Variants in ARHGEF10 observed in about 807,000 individuals in gnomAD.
The protein encoded by ARHGEF10 is Rho guanine nucleotide exchange factor 10.
Under a neutral mutation model 147.4 loss-of-function variants are expected in ARHGEF10, and 140 were observed. That is an observed-to-expected ratio of 0.95 (90% CI 0.83 to 1.09). ARHGEF10 has a LOEUF of 1.09. Among genes scored for constraint, ARHGEF10 ranks in the 50% least tolerant of loss-of-function variants. ARHGEF10 has a pLI of 0.00. For synonymous variants in ARHGEF10, 902 were observed against 695.8 expected, an observed-to-expected ratio of 1.30 and a Z score of -4.67; for missense variants, 2,222 against 1,752.7, an observed-to-expected ratio of 1.27 and a Z score of -4.78.
intron 18 of ARHGEF10, among the ~76,000 whole-genome samples, chr8:1,919,281 GGGT>G: frequency 6.7e-6 from 1 of 149,396 alleles, no homozygotes; most frequent in African/African-American, 2.5e-5. Flanking sequence ...GCTGTTCTGT[GGGT>G]GATGAGTTGT....
At chr8:1,860,297 T>G in intron 4 of ARHGEF10, 113 bp downstream of exon 4, 1 of 1,446,892 alleles carries the variant, frequency 6.9e-7, no homozygotes, top group Non-Finnish European at 9.4e-7. Context: ...TGGCCTGTGG[T>G]TCCGTAGAGT....
chr8:1,866,392 C>A (rs577110636), intron 5 of ARHGEF10, 134 bp from the exon 6 acceptor site: 2 of 789,440 alleles, frequency 2.5e-6, no homozygotes, highest in South Asian at 1.4e-5. Flanking sequence ...TATGTGATTT[C>A]CTGTATAGTA....
At chr8:1,843,139 C>T (rs1176178330) in intron 1 of ARHGEF10, among the ~76,000 whole-genome samples, 2 of 152,328 alleles carry the variant, frequency 1.3e-5, no homozygotes, top group African/African-American at 2.4e-5. Context: ...GAAGTCACTC[C>T]AACACTGAGA....
intron 14 of ARHGEF10, 25 bp downstream of exon 14, chr8:1,896,474 G>C (rs1259394793): frequency 6.8e-7 from 1 of 1,476,466 alleles, no homozygotes; most frequent in South Asian, 1.1e-5. Flanking sequence ...TTTTCATTTG[G>C]GTTTTAACAC....
chr8:1,926,460 G>C lies in ARHGEF10; in HGVS notation c.2694G>C (p.Leu898=). 1.9e-6 allele frequency: 3 copies of C among 1,613,796 alleles called. No homozygotes were observed. The highest frequency in any genetic ancestry group is 2.5e-6 in the Non-Finnish European group (3 of 1,179,682). The change falls in exon 23 of 29, where the codon CTG becomes CTC. Residue 898 remains leucine (L), a synonymous_variant. Transcript: ENST00000349830. ...PDSFSTAHGF[L]WIGSCTHQMG... ...CATTTTCCACGGCACATGGTTTCCT[G>C]TGGGTAAGATGTGTTTATTTGGTTT...
chr8:1,853,505 C>T (rs1805309265), intron 2 of ARHGEF10, among the ~76,000 whole-genome samples: 1 of 152,252 alleles, frequency 6.6e-6, no homozygotes, highest in Admixed American at 6.5e-5. Flanking sequence ...TGTAGTTTTT[C>T]TCATCAGTGT....
At chr8:1,831,898 C>G (rs1255657235) in intron 1 of ARHGEF10, among the ~76,000 whole-genome samples, 3 of 152,194 alleles carry the variant, frequency 2.0e-5, no homozygotes, top group Non-Finnish European at 4.4e-5. Context: ...TGGAGGGTGG[C>G]ACATGGCCGG....
chr8:1,843,568 G>A, intron 2 of ARHGEF10, 132 bp downstream of exon 2: 1 of 763,462 alleles, frequency 1.3e-6, no homozygotes. Flanking sequence ...TTGGGAGAAA[G>A]AGAAGGTTCT....
chr8:1,856,752 G>C (rs1585281810), intron 2 of ARHGEF10, among the ~76,000 whole-genome samples: 1 of 152,306 alleles, frequency 6.6e-6, no homozygotes, highest in East Asian at 1.9e-4. Flanking sequence ...GGCTTGGTTT[G>C]GGCTGACCCA....
At chr8:1,929,195 G>T (rs1054784791) in intron 24 of ARHGEF10, 91 bp from the exon 25 acceptor site, 1 of 1,388,912 alleles carries the variant, frequency 7.2e-7, no homozygotes, top group Non-Finnish European at 1.0e-6. Context: ...CAAGAGGGAA[G>T]AGTTGAAATG....
At chr8:1,903,746 A>G in intron 16 of ARHGEF10, 1 of 469,994 alleles carries the variant, frequency 2.1e-6, no homozygotes, top group East Asian at 4.1e-5. Flanking sequence ...CCTTTAGCTT[A>G]CTTTTCCTTT....
At chr8:1,904,453 T>C (rs1167046382) in intron 16 of ARHGEF10, 1 of 152,248 alleles carries the variant, frequency 6.6e-6, no homozygotes, top group Non-Finnish European at 1.5e-5. Flanking sequence ...GTGCGAACTT[T>C]ATGGTAATAC....
At chr8:1,844,932 G>T (rs1409363069) in intron 2 of ARHGEF10, among the ~76,000 whole-genome samples, 1 of 152,086 alleles carries the variant, frequency 6.6e-6, no homozygotes, top group Non-Finnish European at 1.5e-5. Flanking sequence ...ATAATAATTA[G>T]TTGTAATAGT....
intron 1 of ARHGEF10, among the ~76,000 whole-genome samples, chr8:1,841,587 GGGGGCAGGGAGTA>G (rs1204203016): frequency 6.6e-6 from 1 of 152,064 alleles, no homozygotes. Flanking sequence ...GCGGCTCCCT[GGGGGCAGGGAGTA>G]GGGAGCAGGG....
rs73540779 is a variant in ARHGEF10, at chr8:1,846,870, T to C, written c.37+3434T>C. 3.3e-3 allele frequency among the ~76,000 whole-genome samples: 502 copies of C among 152,350 alleles called. 2 individuals are homozygous for C. The highest frequency in any genetic ancestry group is 0.011 in the African/African-American group (475 of 41,588). On this transcript the variant is annotated intron_variant, in intron 2 of 28. Coordinates refer to ENST00000349830, the MANE Select transcript of ARHGEF10 (RefSeq NM_014629.4). ...GGGATGACAGGCGTGAGCCACCACA[T>C]GTGGCCTGATTTTTAACATTTTGAG...
intron 11 of ARHGEF10, among the ~76,000 whole-genome samples, chr8:1,888,150 G>A (rs1297483517): frequency 5.6e-5 from 6 of 107,536 alleles, no homozygotes; most frequent in Non-Finnish European, 8.0e-5. Flanking sequence ...GACACTTAGT[G>A]GGGCGAGGGT....
At chr8:1,899,400 T>G (rs1401447392) in intron 15 of ARHGEF10, among the ~76,000 whole-genome samples, 2 of 152,254 alleles carry the variant, frequency 1.3e-5, no homozygotes, top group African/African-American at 4.8e-5. Flanking sequence ...TTGCTTGGAC[T>G]GCCTGCTTAT....
chr8:1,921,733 C>G (rs1045975449), intron 18 of ARHGEF10, among the ~76,000 whole-genome samples: 1 of 58,192 alleles, frequency 1.7e-5, no homozygotes, highest in Non-Finnish European at 4.0e-5. Context: ...GACACTTCGT[C>G]TCAAAAAAAA....
upstream of ARHGEF10, among the ~76,000 whole-genome samples, chr8:1,823,576 C>T (rs1021623383): frequency 1.3e-5 from 2 of 151,962 alleles, no homozygotes; most frequent in African/African-American, 2.4e-5. Context: ...AGGGGCGCAG[C>T]TCTGAGCCGG....
Sources: allele counts gnomAD v4.1 joint callset (sites outside exome capture counted in the v4.1 genomes callset), GRCh38; gene constraint gnomAD v4.1.1; transcripts MANE v1.5; gene names NCBI Gene and HGNC (gene_info 2026-07-23, HGNC 2026-07-21).